The following RNF207 variants were observed in gnomAD, a reference collection of about 807,000 sequenced individuals.
RNF207 encodes the protein ring finger protein 207.
A neutral mutation model predicts 79.0 loss-of-function variants in RNF207; 72 were observed. The ratio of observed to expected loss-of-function variants is 0.91; its 90% CI spans 0.75 to 1.11. The LOEUF is 1.11. Ranked by LOEUF, RNF207 falls within the 50% of genes least tolerant of loss-of-function variation. RNF207 has a pLI of 0.00. For missense variants in RNF207, 936 were observed against 855.8 expected, an observed-to-expected ratio of 1.09 and a Z score of -1.17; for synonymous variants, 348 against 366.2, an observed-to-expected ratio of 0.95 and a Z score of 0.57.
chr1:6,208,613 A>C, intron 3 of RNF207: 1 of 486,014 alleles, frequency 2.1e-6, no homozygotes. Flanking sequence ...GGCCTCGGTA[A>C]AATGTTTTAT....
chr1:6,207,352 A>T lies in RNF207; in HGVS notation c.192-27A>T, dbSNP rs1300089999. 6.7e-7 allele frequency: 1 copy of T among 1,501,240 alleles called. No homozygotes were observed. The highest frequency in any genetic ancestry group is 2.3e-5 in the East Asian group (1 of 43,700). 93.0% of individuals were successfully genotyped at this position (1,501,240 alleles called of 1,614,324 possible). Reference sequence around the variant, plus strand: ...GGGAGCCCTGGGGAAGGGGTATCAGAATCTCGGGGCCTGGGCTTCTCTGCA... The same window carrying T: ...GGGAGCCCTGGGGAAGGGGTATCAGTATCTCGGGGCCTGGGCTTCTCTGCA... On this transcript the variant is annotated intron_variant, in intron 2 of 17. Transcript: ENST00000377939. This position sits in a 1 kb window ranked among gnomAD's most constrained non-coding sequence, Gnocchi z 4.5.
rs146060965 is a variant in RNF207, at chr1:6,207,418, G to A, written c.231G>A (p.Pro77=). Residue 77 remains proline (P), a synonymous_variant, in exon 3 of 18, where the codon CCG becomes CCA. Transcript: ENST00000377939. This position sits in a 1 kb window ranked among gnomAD's most constrained non-coding sequence, Gnocchi z 4.5. ...TVLKGPSGLP[P]VDRLLQFLVD... is the part of the protein sequence containing the mutation. ...TGAAGGGTCCCAGCGGGCTCCCGCC[G>A]GTGGACCGGCTGCTGCAGTTCCTGG... 3,260 of 1,551,630 alleles carry A rather than the reference G, an allele frequency of 2.1e-3. 51 individuals carry two copies. In the African/African-American group the frequency reaches 0.032, roughly 15 times the overall value.
At chr1:6,210,471 C>T (rs777081804) in intron 10 of RNF207, 33 bp downstream of exon 10, 4 of 1,565,046 alleles carry the variant, frequency 2.6e-6, no homozygotes, top group East Asian at 2.2e-5. Context: ...GATGCCCCCT[C>T]CCCACCAGGA....
At chr1:6,206,844 G>A in intron 2 of RNF207, 118 bp downstream of exon 2, 3 of 792,138 alleles carry the variant, frequency 3.8e-6, no homozygotes, top group Non-Finnish European at 5.9e-6. Flanking sequence ...CAGGCAGAAC[G>A]ACTGGGAGAT....
chr1:6,213,613 A>G (rs1668260751), intron 16 of RNF207, among the ~76,000 whole-genome samples: 1 of 152,174 alleles, frequency 6.6e-6, no homozygotes, highest in Non-Finnish European at 1.5e-5. Context: ...GCATGGTCAC[A>G]GTGAGTGGGC....
rs569180923 is a variant in RNF207 at position 6,220,013 on chromosome 1, G to C, written c.*606G>C. 3.3e-5 allele frequency: 5 copies of C among 152,306 alleles called. No homozygotes were observed. In the South Asian group the frequency reaches 8.3e-4, roughly 25 times the overall value. 9.4% of individuals were successfully genotyped at this position (152,306 alleles called of 1,614,324 possible). The stretch of plus-strand genomic sequence containing the variant: ...GGGTTTCTCCATGTTGGTCAGGCTG[G>C]CCTCGAACTCCCAACCTCAGGTGAT... On this transcript the variant is annotated 3_prime_UTR_variant, in exon 18 of 18. Coordinates refer to ENST00000377939, the MANE Select transcript of RNF207 (RefSeq NM_207396.3).
At chr1:6,215,230 G>A (rs1019772942) in intron 16 of RNF207, among the ~76,000 whole-genome samples, 3 of 151,722 alleles carry the variant, frequency 2.0e-5, no homozygotes, top group Non-Finnish European at 4.4e-5. Flanking sequence ...GTTTCTCCAT[G>A]TTGGTCAGGT....
chr1:6,216,151 G>T (rs543665341), intron 16 of RNF207, among the ~76,000 whole-genome samples: 1 of 152,132 alleles, frequency 6.6e-6, no homozygotes, highest in Non-Finnish European at 1.5e-5. Context: ...CTCAGACTTC[G>T]GCTGCAGTGG....
At position 6,208,932 on chromosome 1, in the gene RNF207, C is replaced by T. The variant is rs1360149337; in HGVS notation, c.376C>T (p.Arg126Cys). Residue 126 changes from arginine (R) to cysteine (C), a missense_variant, in exon 4 of 18, where the codon CGC becomes TGC. Coordinates refer to ENST00000377939, the MANE Select transcript of RNF207 (RefSeq NM_207396.3). ...CACGTGCGGACAGCCCCTATGCGCG[C>T]GCTGCCGCGACGAGACGCACCGAGC... is the stretch of plus-strand genomic sequence containing the variant. ...CNTCGQPLCA[R>C]CRDETHRARM... 3 of 1,534,848 alleles carry T rather than the reference C, an allele frequency of 2.0e-6. No homozygotes were observed. The highest frequency in any genetic ancestry group is 2.0e-5 in the Admixed American group (1 of 50,892).
In RNF207 at chr1:6,219,789, T is replaced by G. The variant is rs1668488455; in HGVS notation, c.*382T>G. ...GATTACAGGGGTGAGTCACCGCGCC[T>G]GGCCAATGTTGTTGTTGTTTTTAAG... On this transcript the variant is annotated 3_prime_UTR_variant, in exon 18 of 18. Transcript: ENST00000377939. 2 of 151,492 alleles carry G rather than the reference T, an allele frequency of 1.3e-5. No individual in the cohort carries two copies. Among genetic ancestry groups the G allele is most frequent in the African/African-American group, 4.9e-5 (2 of 40,458 alleles). 9.4% of individuals were successfully genotyped at this position (151,492 alleles called of 1,614,324 possible).
At chr1:6,210,829 GC>G in intron 10 of RNF207, 40 bp from the exon 11 acceptor site, 1 of 1,549,514 alleles carries the variant, frequency 6.5e-7, no homozygotes, top group Non-Finnish European at 8.8e-7. Flanking sequence ...CCCCCTGGCT[GC>G]CACACCTCCA....
intron 16 of RNF207, 57 bp from the exon 17 acceptor site, chr1:6,218,232 G>A (rs1361573703): frequency 2.0e-5 from 24 of 1,225,734 alleles, no homozygotes; most frequent in Admixed American, 6.9e-5. Flanking sequence ...CTGAGCTTAA[G>A]GCCGTGCAGC....
Position 6,211,860 on chromosome 1 carries a change from TC to T in RNF207, c.1110-3del. ...CCCCCCTGCATCCACACTGGCTCTC[TC>T]CCCAGGCTGGCAGGGGGCTTAGGCC... On this transcript the variant is annotated splice_polypyrimidine_tract_variant and splice_region_variant and intron_variant, in intron 12 of 17. Transcript: ENST00000377939. The surrounding 1 kb of genome is among the most constrained non-coding windows in gnomAD (Gnocchi z 4.2). 6.5e-7 allele frequency: 1 copy of T among 1,546,292 alleles called. No individual in the cohort carries two copies. The highest frequency in any genetic ancestry group is 8.7e-7 in the Non-Finnish European group (1 of 1,145,264).
chr1:6,208,991 G>A lies in RNF207; in HGVS notation c.435G>A (p.Leu145=). The change falls in exon 4 of 18, where the codon CTG becomes CTA. Residue 145 remains leucine (L), a synonymous_variant. Transcript: ENST00000377939. ...RMFARHDIVA[L]GQRSRDVPQK... is the part of the protein sequence containing the mutation. ...TCGCGCGCCACGACATCGTGGCCCT[G>A]GGTCAGCGAAGCCGCGACGTGCCCC... is the stretch of plus-strand genomic sequence containing the variant. The A allele has an allele frequency of 2.6e-6, 4 of 1,539,040 alleles. No homozygotes were observed. Among genetic ancestry groups the A allele is most frequent in the Non-Finnish European group, 3.5e-6 (4 of 1,146,000 alleles).
rs185336542 is a variant in RNF207 at position 6,219,759 on chromosome 1, G to A, written c.*352G>A. ...TCCACCTGCCTCAGCCTCCCAAAGT[G>A]CTGAGATTACAGGGGTGAGTCACCG... On this transcript the variant is annotated 3_prime_UTR_variant, in exon 18 of 18. Coordinates refer to ENST00000377939, the MANE Select transcript of RNF207 (RefSeq NM_207396.3). 4.4e-4 allele frequency: 69 copies of A among 157,846 alleles called. No homozygotes were observed. The East Asian group carries it at 0.011, about 26-fold the overall frequency. 9.8% of individuals were successfully genotyped at this position (157,846 alleles called of 1,614,324 possible).
At chr1:6,214,756 T>C (rs1174763784) in intron 16 of RNF207, among the ~76,000 whole-genome samples, 2 of 145,616 alleles carry the variant, frequency 1.4e-5, no homozygotes, top group Non-Finnish European at 3.0e-5. Context: ...TGCCTCAGCC[T>C]CCCAAGTAGC....
chr1:6,206,946 A>G lies in RNF207; in HGVS notation c.191+220A>G, dbSNP rs556739636. 9.2e-5 allele frequency among the ~76,000 whole-genome samples: 14 copies of G among 152,278 alleles called. No individual in the cohort carries two copies. The East Asian group carries it at 2.7e-3, about 30-fold the overall frequency. Reference sequence around the variant, plus strand: ...TAACTGAAGCCTGGAGATTGCAGTTACTGGCCCAAGACCTCCCATCAAAAG... The same window carrying G: ...TAACTGAAGCCTGGAGATTGCAGTTGCTGGCCCAAGACCTCCCATCAAAAG... On this transcript the variant is annotated intron_variant, in intron 2 of 17. Coordinates refer to ENST00000377939, the MANE Select transcript of RNF207 (RefSeq NM_207396.3).
chr1:6,219,264 A>G lies in RNF207; in HGVS notation c.1762A>G (p.Arg588Gly). 1 of 1,612,424 alleles carries G rather than the reference A, an allele frequency of 6.2e-7. No homozygotes were observed. The highest frequency in any genetic ancestry group is 8.5e-7 in the Non-Finnish European group (1 of 1,179,402). Residue 588 changes from arginine (R) to glycine (G), a missense_variant, in exon 18 of 18, where the codon AGA becomes GGA. Physicochemically the swap from Arg to Gly is moderately radical, Grantham distance 125. Coordinates refer to ENST00000377939, the MANE Select transcript of RNF207 (RefSeq NM_207396.3). ...TAATCCAGGAAGTGTCCCGGAAAAGAGAGAGAAGACATCAGAGCCTAAAGG... is the reference window on the plus strand; with the variant it reads ...TAATCCAGGAAGTGTCCCGGAAAAGGGAGAGAAGACATCAGAGCCTAAAGG... The part of the protein sequence containing the change: ...RNNPGSVPEK[R>G]EKTSEPKGNS...
intron 3 of RNF207, 184 bp from the exon 4 acceptor site, chr1:6,208,697 A>G: frequency 3.5e-6 from 2 of 565,838 alleles, no homozygotes; most frequent in Non-Finnish European, 5.9e-6. Context: ...TCTGAGCCGC[A>G]GTGCCCTCCT....
Sources: gnomAD v4.1 joint callset for allele counts (sites outside exome capture counted in the v4.1 genomes callset) on GRCh38, gnomAD v4.1.1 for gene constraint, Gnocchi (gnomAD v3.1) non-coding constraint, MANE v1.5 for transcripts, NCBI Gene and HGNC (gene_info 2026-07-23, HGNC 2026-07-21) for gene names.